The following DCDC2C variants were observed in gnomAD, a reference collection of about 807,000 sequenced individuals.
The protein encoded by DCDC2C is doublecortin domain-containing protein 2C.
DCDC2C carries 44 observed loss-of-function variants against 45.0 expected under a neutral mutation model. That is an observed-to-expected ratio of 0.98 (90% CI 0.77 to 1.26). The LOEUF is 1.26. Ranked by LOEUF, DCDC2C falls within the 50% of genes most tolerant of loss-of-function variation. The pLI is 0.00. For missense variants in DCDC2C, 447 were observed against 468.9 expected (o/e 0.95, Z 0.43); for synonymous variants, 187 against 178.8 (o/e 1.05, Z -0.37).
rs115474678 is a variant in DCDC2C, at chr2:3,825,183, G to A, written c.1066-21971G>A. 5.6e-3 allele frequency among the ~76,000 whole-genome samples: 845 copies of A among 152,222 alleles called. 8 individuals are homozygous for A. The highest frequency in any genetic ancestry group is 0.019 in the African/African-American group (800 of 41,512). On this transcript the variant is annotated intron_variant, in intron 10 of 10. Coordinates refer to ENST00000399143, the MANE Select transcript of DCDC2C (RefSeq NM_001287444.2). The stretch of plus-strand genomic sequence containing the variant: ...CCCCTCATCTCTTTTGTGAGCAATC[G>A]GTGAAGTCTGCAGAAAATACCCTGG...
Position 3,847,821 on chromosome 2 carries a change from C to G in DCDC2C, c.*638C>G, listed in dbSNP as rs1250937607. On this transcript the variant is annotated 3_prime_UTR_variant, in exon 11 of 11. Coordinates refer to ENST00000399143, the MANE Select transcript of DCDC2C (RefSeq NM_001287444.2). ...GATAGTGAGTGAGTGCTCCCGAGAT[C>G]CAGTTGTTTAAAAGTGTGTAGCACT... is the stretch of plus-strand genomic sequence containing the variant. Among the ~76,000 whole-genome samples, 1 of 152,082 alleles carries G rather than the reference C, an allele frequency of 6.6e-6. No homozygotes were observed. Among genetic ancestry groups the G allele is most frequent in the Non-Finnish European group, 1.5e-5 (1 of 68,022 alleles).
chr2:3,762,212 C>T (rs2148142240), intron 6 of DCDC2C, among the ~76,000 whole-genome samples: 1 of 128,376 alleles, frequency 7.8e-6, no homozygotes, highest in Non-Finnish European at 1.6e-5. Context: ...GTTGTTCTGA[C>T]AAAAGCCACC....
At chr2:3,836,181 A>G (rs1219949839) in intron 10 of DCDC2C, among the ~76,000 whole-genome samples, 1 of 152,216 alleles carries the variant, frequency 6.6e-6, no homozygotes, top group East Asian at 1.9e-4. Flanking sequence ...AACTCTTGGT[A>G]TGATGCAGGC....
At chr2:3,716,930 AC>A (rs1668366180) in intron 2 of DCDC2C, among the ~76,000 whole-genome samples, 1 of 152,034 alleles carries the variant, frequency 6.6e-6, no homozygotes, top group Non-Finnish European at 1.5e-5. Context: ...TATTTTGTTT[AC>A]CCATCCATCA....
chr2:3,813,882 G>A (rs771482562), intron 10 of DCDC2C, among the ~76,000 whole-genome samples: 2 of 152,018 alleles, frequency 1.3e-5, no homozygotes, highest in Non-Finnish European at 2.9e-5. Flanking sequence ...GCCAGTCTGT[G>A]TCTTTTAATT....
At chr2:3,808,705 G>A (rs1465275502) in intron 10 of DCDC2C, among the ~76,000 whole-genome samples, 3 of 152,186 alleles carry the variant, frequency 2.0e-5, no homozygotes, top group Non-Finnish European at 4.4e-5. Flanking sequence ...TATGTGGCTT[G>A]TCTTCTCATT....
chr2:3,776,698 A>G (rs1385317138), intron 8 of DCDC2C, among the ~76,000 whole-genome samples: 4 of 152,128 alleles, frequency 2.6e-5, no homozygotes, highest in African/African-American at 9.7e-5. Context: ...ATGTGATATA[A>G]AATTCTGTAT....
intron 10 of DCDC2C, among the ~76,000 whole-genome samples, chr2:3,822,801 A>C (rs1671725817): frequency 6.6e-6 from 1 of 152,044 alleles, no homozygotes. Flanking sequence ...TCCCCACCCA[A>C]ATCTCATCTT....
chr2:3,843,011 C>T (rs1672252157), intron 10 of DCDC2C, among the ~76,000 whole-genome samples: 2 of 152,304 alleles, frequency 1.3e-5, no homozygotes, highest in South Asian at 4.1e-4. Context: ...TGTCGCCATG[C>T]CCTCGTCTGT....
intron 2 of DCDC2C, among the ~76,000 whole-genome samples, chr2:3,712,377 A>G (rs1274161954): frequency 6.6e-6 from 1 of 151,338 alleles, no homozygotes. Context: ...GAACTAAAAG[A>G]CTTGTTGGCC....
chr2:3,715,036 T>A (rs1338218893), intron 2 of DCDC2C, among the ~76,000 whole-genome samples: 4 of 152,254 alleles, frequency 2.6e-5, no homozygotes, highest in Non-Finnish European at 2.9e-5. Flanking sequence ...TTTTTCCATA[T>A]GCTTTTGACA....
Position 3,767,840 on chromosome 2 carries a change from G to T in DCDC2C, c.813G>T (p.Lys271Asn), listed in dbSNP as rs1670054791. 6.5e-7 allele frequency: 1 copy of T among 1,543,666 alleles called. No individual in the cohort carries two copies. The highest frequency in any genetic ancestry group is 8.7e-7 in the Non-Finnish European group (1 of 1,145,070). ...CTGTTTATTATGCCAAAGAAGAAAA[G>T]AAGAAAACATTGGCAGAACCTTTAG... The part of the protein sequence containing the change: ...QDSVYYAKEE[K>N]KKTLAEPLVQ... The change falls in exon 7 of 11, where the codon AAG becomes AAT. Residue 271 changes from lysine to asparagine, a missense_variant. By Grantham distance (94) the Lys-to-Asn change is moderately conservative. Transcript: ENST00000399143.
intron 5 of DCDC2C, 65 bp from the exon 6 acceptor site, chr2:3,754,527 G>A (rs2148128713): frequency 1.3e-6 from 2 of 1,506,036 alleles, no homozygotes; most frequent in South Asian, 2.5e-5. Flanking sequence ...GCTGCAGTCT[G>A]CATTTTATAG....
At chr2:3,736,000 T>C (rs1489042861) in intron 3 of DCDC2C, among the ~76,000 whole-genome samples, 1 of 152,166 alleles carries the variant, frequency 6.6e-6, no homozygotes, top group Non-Finnish European at 1.5e-5. Flanking sequence ...TCTATTTCTA[T>C]CTTATAGGGT....
intron 10 of DCDC2C, among the ~76,000 whole-genome samples, chr2:3,810,505 T>C (rs567205156): frequency 9.2e-5 from 14 of 152,372 alleles, no homozygotes; most frequent in Admixed American, 3.9e-4. Context: ...GATGGGTAGA[T>C]TGCAAAAATT....
intron 3 of DCDC2C, among the ~76,000 whole-genome samples, chr2:3,733,330 T>C (rs1282985146): frequency 6.6e-6 from 1 of 152,244 alleles, no homozygotes; most frequent in African/African-American, 2.4e-5. Flanking sequence ...GTTCAAGCCA[T>C]TGTTTGTCCA....
intron 4 of DCDC2C, among the ~76,000 whole-genome samples, chr2:3,749,651 G>T (rs895713560): frequency 1.3e-5 from 2 of 152,208 alleles, no homozygotes; most frequent in African/African-American, 4.8e-5. Flanking sequence ...TGAACCGTTT[G>T]TTCCTCCAGC....
At chr2:3,733,460 T>C (rs1235485965) in intron 3 of DCDC2C, among the ~76,000 whole-genome samples, 1 of 152,248 alleles carries the variant, frequency 6.6e-6, no homozygotes, top group Non-Finnish European at 1.5e-5. Context: ...GGAGGCATCT[T>C]GAAGGAGTTG....
intron 4 of DCDC2C, among the ~76,000 whole-genome samples, chr2:3,745,130 C>T (rs1396219598): frequency 4.6e-5 from 7 of 152,258 alleles, no homozygotes; most frequent in East Asian, 1.9e-4. Context: ...GGATTACAGA[C>T]GCCCGCCACC....
Sources: gnomAD v4.1 joint callset for allele counts (sites outside exome capture counted in the v4.1 genomes callset) on GRCh38, gnomAD v4.1.1 for gene constraint, MANE v1.5 for transcripts, NCBI Gene and HGNC (gene_info 2026-07-23, HGNC 2026-07-21) for gene names.